AUTS2: variants seen among roughly 807,000 people sequenced by gnomAD.
AUTS2 encodes activator of transcription and developmental regulator AUTS2, also known as autism susceptibility gene 2 protein.
AUTS2 carries 17 observed loss-of-function variants against 112.4 expected under a neutral mutation model. The observed-to-expected ratio is 0.15, with a 90% CI of 0.10 to 0.23. AUTS2 has a LOEUF of 0.23. AUTS2 is among the 10% of genes least tolerant of loss of function. AUTS2 has a pLI of 1.00. For missense variants in AUTS2, 1,510 were observed against 1,701.6 expected (o/e 0.89, Z 1.98); for synonymous variants, 751 against 702.7 (o/e 1.07, Z -1.09).
intron 6 of AUTS2, among the ~76,000 whole-genome samples, chr7:70,737,323 A>G (rs1237373438): frequency 6.6e-6 from 1 of 152,234 alleles, no homozygotes; most frequent in African/African-American, 2.4e-5. Context: ...CCGTGTGCCA[A>G]AGGGCGGGAA....
intron 2 of AUTS2, among the ~76,000 whole-genome samples, chr7:69,967,274 G>T (rs549117351): frequency 5.9e-5 from 9 of 151,922 alleles, no homozygotes; most frequent in Non-Finnish European, 1.3e-4. Context: ...TATTCATCCC[G>T]TGGGAGTAGG....
intron 9 of AUTS2, among the ~76,000 whole-genome samples, chr7:70,767,553 A>G (rs981197416): frequency 7.6e-4 from 115 of 152,308 alleles, no homozygotes; most frequent in African/African-American, 2.7e-3. Context: ...TTCTGTTCCA[A>G]TGAAAGGCTG....
At chr7:70,159,174 A>C (rs1305909821) in intron 4 of AUTS2, among the ~76,000 whole-genome samples, 2 of 152,212 alleles carry the variant, frequency 1.3e-5, no homozygotes, top group Non-Finnish European at 2.9e-5. Context: ...TCAAGGGCAT[A>C]TGGCATTAGA....
intron 5 of AUTS2, among the ~76,000 whole-genome samples, chr7:70,455,420 C>G (rs920830502): frequency 6.6e-6 from 1 of 152,090 alleles, no homozygotes; most frequent in Admixed American, 6.5e-5. Flanking sequence ...CTGGCTCATT[C>G]GTCTGATTGG....
chr7:70,305,860 G>A (rs1789469815), intron 4 of AUTS2, among the ~76,000 whole-genome samples: 1 of 152,102 alleles, frequency 6.6e-6, no homozygotes. Context: ...TCTCAGATTT[G>A]AGGACATTTC....
At position 69,937,544 on chromosome 7, in the gene AUTS2, T is replaced by C. The variant is rs377053347; in HGVS notation, c.522+38046T>C. On this transcript the variant is annotated intron_variant, in intron 2 of 18. Transcript: ENST00000342771. Reference sequence around the variant, plus strand: ...ACCTAATTGCAGACCTTGAAGAAACTCTTGGGGCCACTTGGATGGGGGTGC... The same window carrying C: ...ACCTAATTGCAGACCTTGAAGAAACCCTTGGGGCCACTTGGATGGGGGTGC... Among the ~76,000 whole-genome samples, 95 of 152,172 alleles carry C rather than the reference T, an allele frequency of 6.2e-4. 5 individuals are homozygous for C. In the South Asian group the frequency reaches 0.019, roughly 31 times the overall value.
At chr7:70,228,214 A>G (rs1438403028) in intron 4 of AUTS2, among the ~76,000 whole-genome samples, 1 of 151,314 alleles carries the variant, frequency 6.6e-6, no homozygotes, top group Non-Finnish European at 1.5e-5. Context: ...GTCGGACAGT[A>G]TTCTCTCTCC....
At chr7:70,002,292 A>T (rs1356301266) in intron 2 of AUTS2, among the ~76,000 whole-genome samples, 1 of 152,132 alleles carries the variant, frequency 6.6e-6, no homozygotes, top group Non-Finnish European at 1.5e-5. Flanking sequence ...ACAAGTAGAA[A>T]AATATAGGCG....
intron 5 of AUTS2, among the ~76,000 whole-genome samples, chr7:70,589,451 C>T (rs1156613484): frequency 7.2e-5 from 11 of 152,300 alleles, no homozygotes; most frequent in African/African-American, 2.2e-4. Flanking sequence ...CGGTGGCTTA[C>T]GCCTATAATC....
intron 5 of AUTS2, among the ~76,000 whole-genome samples, chr7:70,571,015 G>C (rs12531840): frequency 6.6e-6 from 1 of 151,946 alleles, no homozygotes; most frequent in African/African-American, 2.4e-5. Context: ...CCTCCACCAC[G>C]TAGGTCCTTT....
At chr7:70,519,504 A>G (rs1046667071) in intron 5 of AUTS2, among the ~76,000 whole-genome samples, 1 of 152,238 alleles carries the variant, frequency 6.6e-6, no homozygotes, top group African/African-American at 2.4e-5. Context: ...TTATATCCAA[A>G]TGCCAATAAA....
At chr7:70,713,439 T>C (rs1233928150) in intron 6 of AUTS2, among the ~76,000 whole-genome samples, 1 of 152,228 alleles carries the variant, frequency 6.6e-6, no homozygotes, top group South Asian at 2.1e-4. Flanking sequence ...AATTGAGTTT[T>C]CCCAAAAAAT....
At chr7:70,151,132 TA>T (rs1273279975) in intron 4 of AUTS2, among the ~76,000 whole-genome samples, 1 of 152,070 alleles carries the variant, frequency 6.6e-6, no homozygotes, top group African/African-American at 2.4e-5. Context: ...AAGAACAAGG[TA>T]GCAAAAATTC....
chr7:70,089,646 A>AT (rs1803804247), intron 2 of AUTS2, among the ~76,000 whole-genome samples: 2 of 151,648 alleles, frequency 1.3e-5, no homozygotes, highest in African/African-American at 2.4e-5. Flanking sequence ...ATTTTATCTT[A>AT]TTTTTTCCTA....
chr7:70,029,435 A>G (rs1320683992), intron 2 of AUTS2, among the ~76,000 whole-genome samples: 1 of 151,964 alleles, frequency 6.6e-6, no homozygotes, highest in South Asian at 2.1e-4. Flanking sequence ...CTCCTTGAGT[A>G]TGGAGATGGT....
chr7:70,218,953 ATAG>A (rs1040471888), intron 4 of AUTS2, among the ~76,000 whole-genome samples: 7 of 152,216 alleles, frequency 4.6e-5, no homozygotes, highest in African/African-American at 1.4e-4. Context: ...AGAAAAAAAA[ATAG>A]TAGTAAGATT....
intron 5 of AUTS2, among the ~76,000 whole-genome samples, chr7:70,678,862 C>A (rs555771434): frequency 6.6e-6 from 1 of 152,220 alleles, no homozygotes; most frequent in East Asian, 1.9e-4. Context: ...AAGAGAGGCC[C>A]AAGTGTGTGC....
At chr7:70,399,767 A>G (rs1317380387) in intron 4 of AUTS2, among the ~76,000 whole-genome samples, 1 of 152,026 alleles carries the variant, frequency 6.6e-6, no homozygotes, top group Non-Finnish European at 1.5e-5. Context: ...AAAATAAAAT[A>G]AAATAAAATA....
At chr7:70,396,066 A>T (rs1416698443) in intron 4 of AUTS2, among the ~76,000 whole-genome samples, 1 of 152,228 alleles carries the variant, frequency 6.6e-6, no homozygotes, top group African/African-American at 2.4e-5. Context: ...TAATTGACAT[A>T]TGATAAGCTA....
Sources: allele counts gnomAD v4.1 joint callset (sites outside exome capture counted in the v4.1 genomes callset), GRCh38; gene constraint gnomAD v4.1.1; transcripts MANE v1.5; gene names NCBI Gene and HGNC (gene_info 2026-07-23, HGNC 2026-07-21).